The following PTPRD variants were observed in gnomAD, a reference collection of about 807,000 sequenced individuals.
PTPRD encodes receptor-type tyrosine-protein phosphatase delta.
PTPRD carries 34 observed loss-of-function variants against 214.5 expected under a neutral mutation model. The ratio of observed to expected loss-of-function variants is 0.16; its 90% CI spans 0.12 to 0.21. The LOEUF (loss-of-function observed/expected upper bound fraction) is 0.21, where lower values mean the gene tolerates loss of function less well. Ranked by LOEUF, PTPRD falls within the 10% of genes least tolerant of loss-of-function variation. PTPRD has a pLI of 1.00. For missense variants in PTPRD, 2,545 were observed against 2,398.7 expected (o/e 1.06, Z -1.27); for synonymous variants, 1,128 against 845.7 (o/e 1.33, Z -5.79).
intron 5 of PTPRD, among the ~76,000 whole-genome samples, chr9:9,889,046 C>T (rs1011019658): frequency 1.3e-5 from 2 of 152,034 alleles, no homozygotes; most frequent in Non-Finnish European, 2.9e-5. Context: ...TGATCTCACT[C>T]ATATGTGGAA....
At chr9:9,423,666 C>G (rs11790367) in intron 8 of PTPRD, among the ~76,000 whole-genome samples, 9,299 of 152,052 alleles carry the variant, frequency 0.061, 334 homozygotes, top group Middle Eastern at 0.17. Context: ...ATAACTGCAT[C>G]AGAGAAATGG....
chr9:9,225,175 T>C (rs2099958627), intron 9 of PTPRD, among the ~76,000 whole-genome samples: 1 of 152,022 alleles, frequency 6.6e-6, no homozygotes. Context: ...AGGGGAAGGC[T>C]GAACTAAGAT....
intron 4 of PTPRD, among the ~76,000 whole-genome samples, chr9:9,978,209 T>A (rs1434985990): frequency 2.0e-5 from 3 of 151,962 alleles, no homozygotes. Context: ...GATAAGATAA[T>A]CAATAGAACT....
At chr9:9,371,140 G>T (rs1338520602) in intron 9 of PTPRD, among the ~76,000 whole-genome samples, 1 of 152,088 alleles carries the variant, frequency 6.6e-6, no homozygotes, top group Non-Finnish European at 1.5e-5. Context: ...AATGAGTTAG[G>T]GAGGATTCCC....
intron 9 of PTPRD, among the ~76,000 whole-genome samples, chr9:9,192,520 T>G (rs2099935853): frequency 6.6e-6 from 1 of 152,158 alleles, no homozygotes; most frequent in African/African-American, 2.4e-5. Flanking sequence ...TACTGCATTT[T>G]CTGTGGAAGC....
intron 8 of PTPRD, among the ~76,000 whole-genome samples, chr9:9,538,454 A>G (rs556307464): frequency 6.6e-6 from 1 of 152,040 alleles, no homozygotes; most frequent in Non-Finnish European, 1.5e-5. Context: ...TTTCTTCAAA[A>G]AGTATTTTAG....
intron 30 of PTPRD, among the ~76,000 whole-genome samples, chr9:8,478,964 A>G (rs1389601137): frequency 6.6e-6 from 1 of 152,208 alleles, no homozygotes; most frequent in East Asian, 1.9e-4. Context: ...ATTTTGCTTG[A>G]AAACAAATAG....
chr9:9,832,651 G>A (rs2055274963), intron 5 of PTPRD, among the ~76,000 whole-genome samples: 1 of 151,882 alleles, frequency 6.6e-6, no homozygotes, highest in Admixed American at 6.6e-5. Flanking sequence ...AGGACTTCCT[G>A]GAAAGGAAGC....
intron 9 of PTPRD, among the ~76,000 whole-genome samples, chr9:9,275,184 T>TG (rs1219920456): frequency 4.7e-5 from 1 of 21,462 alleles, no homozygotes; most frequent in African/African-American, 1.8e-4. Context: ...AATATATATG[T>TG]TATATATATA....
In PTPRD at chr9:8,341,082, G is replaced by C. The variant is rs751311350; in HGVS notation, c.5126+8C>G. ...GCTTTGGATAGTCAGGGGAGCAAAA[G>C]TAGATACCTGTATCCATCAATAAAA... On this transcript the variant is annotated splice_region_variant and intron_variant, in intron 41 of 45. Transcript: ENST00000381196. 1 of 1,583,924 alleles carries C rather than the reference G, an allele frequency of 6.3e-7. No homozygotes were observed. The highest frequency in any genetic ancestry group is 1.2e-5 in the South Asian group (1 of 84,540).
At chr9:9,788,136 A>G (rs554446285) in intron 5 of PTPRD, among the ~76,000 whole-genome samples, 1 of 152,098 alleles carries the variant, frequency 6.6e-6, no homozygotes, top group African/African-American at 2.4e-5. Context: ...ATAAATCATG[A>G]AGTTATAATT....
chr9:8,560,367 G>C lies in PTPRD; in HGVS notation c.353-31588C>G, dbSNP rs191433694. ...CAAGGCCAAATGCAAAATGGGGGGA[G>C]TGGAAGAAAACAATACAGGTAATTT... On this transcript the variant is annotated intron_variant, in intron 14 of 45. Transcript: ENST00000381196. Among the ~76,000 whole-genome samples the C allele has an allele frequency of 1.7e-3, 253 of 151,784 alleles. 1 individual carries two copies. Among genetic ancestry groups the C allele is most frequent in the African/African-American group, 5.9e-3 (242 of 41,358 alleles).
chr9:9,992,903 A>G lies in PTPRD; in HGVS notation c.-472+40815T>C, dbSNP rs1461625520. Among the ~76,000 whole-genome samples, 7 of 152,306 alleles carry G rather than the reference A, an allele frequency of 4.6e-5. No individual in the cohort carries two copies. The South Asian group carries it at 6.2e-4, about 14-fold the overall frequency. On this transcript the variant is annotated intron_variant, in intron 4 of 45. Coordinates refer to ENST00000381196, the MANE Select transcript of PTPRD (RefSeq NM_002839.4). ...AACATGGCACATGTATACATATGTT[A>G]CAAACCTGCACGTTGTGCACATGTA...
intron 39 of PTPRD, among the ~76,000 whole-genome samples, chr9:8,357,145 T>A (rs2077169248): frequency 6.6e-6 from 1 of 152,168 alleles, no homozygotes; most frequent in Non-Finnish European, 1.5e-5. Context: ...CAGCATGCTG[T>A]GGGATCACAC....
At chr9:9,610,867 C>T (rs746424096) in intron 7 of PTPRD, among the ~76,000 whole-genome samples, 17 of 152,048 alleles carry the variant, frequency 1.1e-4, no homozygotes, top group African/African-American at 1.9e-4. Flanking sequence ...ACTTTCGTTT[C>T]CAGTTTTATT....
intron 2 of PTPRD, among the ~76,000 whole-genome samples, chr9:10,598,967 C>T (rs891311637): frequency 6.6e-6 from 1 of 151,474 alleles, no homozygotes; most frequent in Non-Finnish European, 1.5e-5. Context: ...TAATAACAGC[C>T]ACTCTCAAAT....
chr9:10,558,001 A>T (rs2063011453), intron 2 of PTPRD, among the ~76,000 whole-genome samples: 1 of 152,124 alleles, frequency 6.6e-6, no homozygotes, highest in South Asian at 2.1e-4. Flanking sequence ...GAAATTCTTA[A>T]TACTACTGGA....
At chr9:10,589,783 G>C (rs1403179690) in intron 2 of PTPRD, among the ~76,000 whole-genome samples, 1 of 152,034 alleles carries the variant, frequency 6.6e-6, no homozygotes, top group Non-Finnish European at 1.5e-5. Flanking sequence ...GCAAGCATTA[G>C]AGGAGGTCAA....
chr9:8,977,121 C>G (rs902203914), intron 11 of PTPRD, among the ~76,000 whole-genome samples: 1 of 152,110 alleles, frequency 6.6e-6, no homozygotes, highest in African/African-American at 2.4e-5. Context: ...CGATTCTGTG[C>G]TGGTAATATC....
Sources: gnomAD v4.1 joint callset for allele counts (sites outside exome capture counted in the v4.1 genomes callset) on GRCh38, gnomAD v4.1.1 for gene constraint, MANE v1.5 for transcripts, NCBI Gene and HGNC (gene_info 2026-07-23, HGNC 2026-07-21) for gene names.